SDC2: variants seen among roughly 807,000 people sequenced by gnomAD.
SDC2 encodes the protein syndecan 2, also known as syndecan-2.
In SDC2, 13 loss-of-function variants were observed where a neutral mutation model predicts 22.2. That is an observed-to-expected ratio of 0.59 (90% confidence interval 0.38 to 0.93). SDC2 has a LOEUF of 0.93. SDC2 is among the 40% of genes least tolerant of loss of function. The pLI, the probability that SDC2 is intolerant of heterozygous loss-of-function variation, is 0.00. For missense variants in SDC2, 235 were observed against 246.8 expected, an observed-to-expected ratio of 0.95 and a Z score of 0.32; for synonymous variants, 94 against 92.8, an observed-to-expected ratio of 1.01 and a Z score of -0.07.
chr8:96,532,949 G>T (rs377508368), intron 1 of SDC2, among the ~76,000 whole-genome samples: 18 of 152,300 alleles, frequency 1.2e-4, no homozygotes, highest in African/African-American at 4.3e-4. Flanking sequence ...TCCAGAATTG[G>T]TGGGTTCTTG....
chr8:96,502,895 G>A (rs760501490), intron 1 of SDC2, among the ~76,000 whole-genome samples: 17 of 152,164 alleles, frequency 1.1e-4, no homozygotes, highest in Non-Finnish European at 2.4e-4. Context: ...CTGCTTCTCT[G>A]AAGAATAAGG....
At chr8:96,549,874 C>CT (rs1489410879) in intron 1 of SDC2, among the ~76,000 whole-genome samples, 3 of 152,118 alleles carry the variant, frequency 2.0e-5, no homozygotes, top group Non-Finnish European at 4.4e-5. Flanking sequence ...ATATACACTT[C>CT]TTTTTTGGCT....
chr8:96,566,586 G>A (rs539213758), intron 1 of SDC2, among the ~76,000 whole-genome samples: 2 of 151,878 alleles, frequency 1.3e-5, no homozygotes, highest in African/African-American at 4.8e-5. Context: ...AATACAACTA[G>A]CAAGCATATA....
intron 1 of SDC2, among the ~76,000 whole-genome samples, chr8:96,525,039 A>G (rs1347014531): frequency 6.6e-6 from 1 of 152,178 alleles, no homozygotes; most frequent in East Asian, 1.9e-4. Context: ...GGTCACAATA[A>G]TGTAAAATCG....
intron 1 of SDC2, among the ~76,000 whole-genome samples, chr8:96,505,184 A>G (rs1275522604): frequency 6.6e-6 from 1 of 152,240 alleles, no homozygotes; most frequent in African/African-American, 2.4e-5. Flanking sequence ...CCTGAATAAT[A>G]CTTAGCTAAA....
chr8:96,530,928 A>C (rs553321100), intron 1 of SDC2, among the ~76,000 whole-genome samples: 10 of 152,230 alleles, frequency 6.6e-5, no homozygotes, highest in Admixed American at 6.5e-4. Flanking sequence ...TTTCCCAACC[A>C]TTTTCACATC....
At chr8:96,565,382 AC>A (rs781412259) in intron 1 of SDC2, among the ~76,000 whole-genome samples, 1 of 151,638 alleles carries the variant, frequency 6.6e-6, no homozygotes, top group Non-Finnish European at 1.5e-5. Context: ...ACCGCACCCA[AC>A]CCCTAAATCT....
At chr8:96,570,947 T>G (rs1814383799) in intron 1 of SDC2, among the ~76,000 whole-genome samples, 3 of 152,158 alleles carry the variant, frequency 2.0e-5, no homozygotes, top group Non-Finnish European at 4.4e-5. Flanking sequence ...TGGGTAGAGT[T>G]TCAGTTTGGG....
At chr8:96,581,500 C>T (rs1202812997) in intron 1 of SDC2, among the ~76,000 whole-genome samples, 3 of 152,112 alleles carry the variant, frequency 2.0e-5, no homozygotes, top group Non-Finnish European at 2.9e-5. Context: ...CATAGAGTTG[C>T]ACATGCCTGT....
intron 1 of SDC2, among the ~76,000 whole-genome samples, chr8:96,570,450 C>G (rs1814374540): frequency 2.0e-5 from 3 of 152,042 alleles, no homozygotes; most frequent in Admixed American, 2.0e-4. Flanking sequence ...AACAAAAAAC[C>G]CAAAGACACA....
At chr8:96,579,548 C>T (rs1814557575) in intron 1 of SDC2, among the ~76,000 whole-genome samples, 1 of 152,188 alleles carries the variant, frequency 6.6e-6, no homozygotes, top group Non-Finnish European at 1.5e-5. Flanking sequence ...TCTATAAACA[C>T]AGGCTTAGAA....
In SDC2 at chr8:96,494,090, C is replaced by T; in HGVS notation, c.-182C>T. The T allele has an allele frequency of 1.7e-6, 1 of 578,020 alleles. No homozygotes were observed. The highest frequency in any genetic ancestry group is 2.3e-5 in the South Asian group (1 of 44,110). 35.8% of individuals were successfully genotyped at this position (578,020 alleles called of 1,614,324 possible). A position where few individuals can be genotyped will look rare whatever the true frequency, so the allele number is the denominator to read the frequency against. Reference sequence around the variant, plus strand: ...GGGGCGCAGCTGCGGGCGGCGGGAGCAGGCGCAGGAGGAGGAAGCGAGCGC... The same window carrying T: ...GGGGCGCAGCTGCGGGCGGCGGGAGTAGGCGCAGGAGGAGGAAGCGAGCGC... On this transcript the variant is annotated 5_prime_UTR_variant, in exon 1 of 5. Transcript: ENST00000302190.
intron 2 of SDC2, among the ~76,000 whole-genome samples, chr8:96,599,941 G>C (rs779848726): frequency 1.3e-5 from 2 of 152,102 alleles, no homozygotes; most frequent in Non-Finnish European, 2.9e-5. Context: ...AGGAGCTCGA[G>C]ACCAACCTGG....
At chr8:96,594,210 AG>A (rs1244232127) in intron 2 of SDC2, among the ~76,000 whole-genome samples, 1 of 152,188 alleles carries the variant, frequency 6.6e-6, no homozygotes, top group African/African-American at 2.4e-5. Context: ...GGTGGCTTAA[AG>A]TAACAGTCAT....
chr8:96,498,711 C>T (rs1041196894), intron 1 of SDC2, among the ~76,000 whole-genome samples: 3 of 152,112 alleles, frequency 2.0e-5, no homozygotes, highest in East Asian at 3.9e-4. Context: ...GGCTGGTCTC[C>T]AACTCCTGAC....
intron 1 of SDC2, among the ~76,000 whole-genome samples, chr8:96,543,610 A>G (rs1813886464): frequency 6.6e-6 from 1 of 152,130 alleles, no homozygotes; most frequent in East Asian, 1.9e-4. Flanking sequence ...AATCAATGGA[A>G]AGTCTAAACA....
intron 1 of SDC2, among the ~76,000 whole-genome samples, chr8:96,558,833 G>GTA (rs1006325402): frequency 4.5e-4 from 68 of 152,150 alleles, no homozygotes; most frequent in African/African-American, 1.6e-3. Context: ...GTGTGTGTGT[G>GTA]TGTCTAATAA....
In SDC2 at chr8:96,527,348, A is replaced by G. The variant is rs73698116; in HGVS notation, c.60+33017A>G. 5.7e-3 allele frequency among the ~76,000 whole-genome samples: 865 copies of G among 152,336 alleles called. 9 individuals carry two copies. Among genetic ancestry groups the G allele is most frequent in the African/African-American group, 0.019 (779 of 41,580 alleles). ...CCCTGCCCTTATCACTGCTCTTGTA[A>G]GACAGACATCATAGGAGACTCCTAA... On this transcript the variant is annotated intron_variant, in intron 1 of 4. Transcript: ENST00000302190.
chr8:96,527,447 CT>C (rs1210722750), intron 1 of SDC2, among the ~76,000 whole-genome samples: 1 of 152,132 alleles, frequency 6.6e-6, no homozygotes, highest in Non-Finnish European at 1.5e-5. Context: ...CTCTCTGCCC[CT>C]AAAACAGAAA....
Sources: gnomAD v4.1 joint callset for allele counts (sites outside exome capture counted in the v4.1 genomes callset) on GRCh38, gnomAD v4.1.1 for gene constraint, MANE v1.5 for transcripts, NCBI Gene and HGNC (gene_info 2026-07-23, HGNC 2026-07-21) for gene names.